Variants in COL6A3 observed in about 807,000 individuals in gnomAD.
The protein encoded by COL6A3 is collagen type VI alpha 3 chain.
Under a neutral mutation model 274.1 loss-of-function variants are expected in COL6A3, and 137 were observed. The ratio of observed to expected loss-of-function variants is 0.50; its 90% confidence interval spans 0.44 to 0.58. COL6A3 has a LOEUF of 0.58. COL6A3 is among the 20% of genes least tolerant of loss of function. The pLI is 0.00. For missense variants in COL6A3, 3,950 were observed against 4,124.9 expected, an observed-to-expected ratio of 0.96 and a Z score of 1.16; for synonymous variants, 1,650 against 1,650.6, an observed-to-expected ratio of 1.00 and a Z score of 0.01.
At chr2:237,346,269 A>G (rs769415029) in intron 32 of COL6A3, among the ~76,000 whole-genome samples, 6 of 152,212 alleles carry the variant, frequency 3.9e-5, no homozygotes, top group Non-Finnish European at 7.3e-5. Flanking sequence ...GCAAATTACA[A>G]TACTCCCTAG....
intron 1 of COL6A3, among the ~76,000 whole-genome samples, chr2:237,402,627 T>C (rs1443081161): frequency 6.6e-6 from 1 of 152,148 alleles, no homozygotes; most frequent in Non-Finnish European, 1.5e-5. Flanking sequence ...TACTTCTAAA[T>C]AAGATTTGGA....
Position 237,371,856 on chromosome 2 carries a change from A to G in COL6A3, c.4161T>C (p.Tyr1387=). ...CCCGGAAGGTGCTCACCGAGAACACATATTCGGGGCTCAGCGAGATCTTCA... is the reference window on the plus strand; with the variant it reads ...CCCGGAAGGTGCTCACCGAGAACACGTATTCGGGGCTCAGCGAGATCTTCA... ...ELVKISLSPE[Y]VFSVSTFREL... The change falls in exon 9 of 44, where the codon TAT becomes TAC. Residue 1387 remains tyrosine, a synonymous_variant. Transcript: ENST00000295550. This position sits in a 1 kb window ranked among gnomAD's most constrained non-coding sequence, Gnocchi z 4.3. 1 of 1,598,616 alleles carries G rather than the reference A, an allele frequency of 6.3e-7. No homozygotes were observed. Among genetic ancestry groups the G allele is most frequent in the South Asian group, 1.1e-5 (1 of 90,356 alleles).
intron 1 of COL6A3, among the ~76,000 whole-genome samples, chr2:237,399,141 T>G (rs1287252437): frequency 6.6e-6 from 1 of 152,134 alleles, no homozygotes; most frequent in African/African-American, 2.4e-5. Context: ...TTTTTATTTC[T>G]CCATGAAAAC....
chr2:237,334,102 C>G (rs570574322), intron 41 of COL6A3, among the ~76,000 whole-genome samples: 10 of 152,150 alleles, frequency 6.6e-5, no homozygotes, highest in Non-Finnish European at 1.2e-4. Context: ...AATGGGGGGG[C>G]CCCTGGGGAC....
chr2:237,358,957 G>T, intron 20 of COL6A3, 78 bp downstream of exon 20: 1 of 1,535,330 alleles, frequency 6.5e-7, no homozygotes, highest in Non-Finnish European at 9.0e-7. Flanking sequence ...TGATGTATAT[G>T]AGGAAAGAAA....
At chr2:237,388,283 A>G in intron 3 of COL6A3, 99 bp from the exon 4 acceptor site, 1 of 1,475,890 alleles carries the variant, frequency 6.8e-7, no homozygotes, top group Non-Finnish European at 9.4e-7. Context: ...ACCAATAAGA[A>G]ACACGAAATA....
intron 36 of COL6A3, 99 bp from the exon 37 acceptor site, chr2:237,342,260 G>T: frequency 1.1e-6 from 1 of 925,022 alleles, no homozygotes; most frequent in South Asian, 1.4e-5. Context: ...CAATAAAATA[G>T]ATTAACTTCC....
Position 237,364,185 on chromosome 2 carries a change from G to T in COL6A3, c.5917+165C>A, listed in dbSNP as rs576448046. Among the ~76,000 whole-genome samples the T allele has an allele frequency of 3.9e-5, 6 of 152,168 alleles. No individual in the cohort carries two copies. The highest frequency in any genetic ancestry group is 7.3e-5 in the Non-Finnish European group (5 of 68,038). On this transcript the variant is annotated intron_variant, in intron 13 of 43. Transcript: ENST00000295550. This position sits in a 1 kb window ranked among gnomAD's most constrained non-coding sequence, Gnocchi z 4.6. ...GAATTTTTGTTAGCTCCATCCCACA[G>T]CTCCAAGCAGGTGATGAAGGGCCAC...
chr2:237,340,459 G>A lies in COL6A3; in HGVS notation c.8457C>T (p.Phe2819=), dbSNP rs138683303. ...GTGCCACGCAGGACTTACTGCTGAC[G>A]AAGGATGGCAACAGCCTCCCGAAGC... ...LMRFGRLLPS[F]VSSENAFYLS... is the part of the protein sequence containing the mutation. Residue 2819 remains phenylalanine (F), a synonymous_variant, in exon 38 of 44, where the codon TTC becomes TTT. Coordinates refer to ENST00000295550, the MANE Select transcript of COL6A3 (RefSeq NM_004369.4). The A allele has an allele frequency of 3.2e-5, 51 of 1,612,446 alleles. No homozygotes were observed. Among genetic ancestry groups the A allele is most frequent in the African/African-American group, 2.1e-4 (16 of 74,914 alleles).
chr2:237,382,197 A>G (rs1457585392), intron 4 of COL6A3, among the ~76,000 whole-genome samples: 1 of 152,122 alleles, frequency 6.6e-6, no homozygotes, highest in Non-Finnish European at 1.5e-5. Flanking sequence ...AGCCTGGCCA[A>G]CAAGGGGAAA....
intron 39 of COL6A3, among the ~76,000 whole-genome samples, chr2:237,337,328 A>T (rs1700600056): frequency 6.6e-6 from 1 of 152,222 alleles, no homozygotes; most frequent in Non-Finnish European, 1.5e-5. Flanking sequence ...TTCAGAGAAA[A>T]AATACGAATC....
At chr2:237,372,703 TG>T (rs2077724778) in intron 8 of COL6A3, among the ~76,000 whole-genome samples, 2 of 151,958 alleles carry the variant, frequency 1.3e-5, no homozygotes, top group Non-Finnish European at 2.9e-5. Flanking sequence ...CTGGAGCACT[TG>T]GGGGAGGAGC....
intron 28 of COL6A3, 62 bp downstream of exon 28, chr2:237,350,085 C>T: frequency 1.3e-6 from 2 of 1,493,044 alleles, no homozygotes; most frequent in Non-Finnish European, 9.3e-7. Context: ...CCTCTCCTGG[C>T]TTCCTGCACC....
chr2:237,411,915 A>G (rs775141180), intron 1 of COL6A3, among the ~76,000 whole-genome samples: 14 of 152,154 alleles, frequency 9.2e-5, no homozygotes, highest in Admixed American at 2.0e-4. Context: ...TTCCCCAGCC[A>G]CCTCCCAGAA....
At chr2:237,404,663 G>A (rs2078678395) in intron 1 of COL6A3, among the ~76,000 whole-genome samples, 1 of 152,168 alleles carries the variant, frequency 6.6e-6, no homozygotes, top group Admixed American at 6.5e-5. Context: ...CCTTGAGCAG[G>A]TTTTGCTAAT....
At chr2:237,353,424 C>T (rs952277752) in intron 24 of COL6A3, 21 bp from the exon 25 acceptor site, 1 of 1,610,600 alleles carries the variant, frequency 6.2e-7, no homozygotes, top group East Asian at 2.2e-5. Context: ...AGAGAAGATG[C>T]AGGGAGGAGT....
At position 237,374,940 on chromosome 2, in the gene COL6A3, C is replaced by T; in HGVS notation, c.3151G>A (p.Val1051Ile). The change falls in exon 8 of 44, where the codon GTC becomes ATC. Residue 1051 changes from valine (V) to isoleucine (I), a missense_variant. This residue lies in a region of COL6A3 where 1,934 missense variants were observed against 1,984.3 expected (regional missense o/e 0.97). Coordinates refer to ENST00000295550, the MANE Select transcript of COL6A3 (RefSeq NM_004369.4). The surrounding 1 kb of genome is among the most constrained non-coding windows in gnomAD (Gnocchi z 4.8). Reference protein sequence around the residue: ...RSGFPLLKEFVQRVVESLDVG... With the variant: ...RSGFPLLKEFIQRVVESLDVG... ...TCCAGGCTTTCCACCACTCTCTGGACAAACTCTTTCAACAGAGGGAAGCCG... is the reference window on the plus strand; with the variant it reads ...TCCAGGCTTTCCACCACTCTCTGGATAAACTCTTTCAACAGAGGGAAGCCG... 1.2e-6 allele frequency: 2 copies of T among 1,613,988 alleles called. No homozygotes were observed. The highest frequency in any genetic ancestry group is 2.2e-5 in the East Asian group (1 of 44,844).
intron 41 of COL6A3, among the ~76,000 whole-genome samples, chr2:237,333,949 A>G (rs563216310): frequency 6.6e-6 from 1 of 152,322 alleles, no homozygotes; most frequent in South Asian, 2.1e-4. Context: ...TGAAGAAAAG[A>G]GGAGCCTTCC....
intron 2 of COL6A3, 79 bp downstream of exon 2, chr2:237,396,648 G>A: frequency 7.3e-7 from 1 of 1,378,628 alleles, no homozygotes; most frequent in Non-Finnish European, 1.0e-6. Context: ...TAAGCTCTAT[G>A]TCAGTGCCTG....
Sources: gnomAD v4.1 joint callset for allele counts (sites outside exome capture counted in the v4.1 genomes callset) on GRCh38, gnomAD v4.1.1 for gene constraint, gnomAD v4.1.1 regional missense constraint, Gnocchi (gnomAD v3.1) non-coding constraint, MANE v1.5 for transcripts, NCBI Gene and HGNC (gene_info 2026-07-23, HGNC 2026-07-21) for gene names.